ITSN2: variants seen among roughly 807,000 people sequenced by gnomAD.
The protein encoded by ITSN2 is intersectin-2.
In ITSN2, 156 loss-of-function variants were observed where a neutral mutation model predicts 243.7. That is an observed-to-expected ratio of 0.64 (90% CI 0.56 to 0.73). The LOEUF (loss-of-function observed/expected upper bound fraction) is 0.73. Among genes scored for constraint, ITSN2 ranks in the 30% least tolerant of loss-of-function variants. ITSN2 has a pLI of 0.00. For synonymous variants in ITSN2, 703 were observed against 699.9 expected (o/e 1.00, Z -0.07); for missense variants, 1,801 against 1,996.1 (o/e 0.90, Z 1.86).
Position 24,275,736 on chromosome 2 carries a change from C to A in ITSN2, c.2058G>T (p.Lys686Asn). 1 of 1,610,694 alleles carries A rather than the reference C, an allele frequency of 6.2e-7. No homozygotes were observed. The highest frequency in any genetic ancestry group is 8.5e-7 in the Non-Finnish European group (1 of 1,177,684). ...ERKRLELMQKKKLEDEAARKA... is the reference protein window; with the variant it reads ...ERKRLELMQKNKLEDEAARKA... ...ACCTTGCAGCCTCATCTTCTAGTTT[C>A]TTTTTCTGCATTAGTTCTAATCTTT... Residue 686 changes from lysine to asparagine, a missense_variant, in exon 18 of 40, where the codon AAG becomes AAT. Lys to Asn is a moderately conservative substitution (Grantham distance 94). This residue lies in a region of ITSN2 where 787 missense variants were observed against 803.9 expected (regional missense o/e 0.98). Transcript: ENST00000355123.
At chr2:24,352,554 C>G (rs1404838466) in intron 1 of ITSN2, among the ~76,000 whole-genome samples, 1 of 152,110 alleles carries the variant, frequency 6.6e-6, no homozygotes, top group Non-Finnish European at 1.5e-5. Context: ...CTTCTCTATA[C>G]AAACTTAGTT....
chr2:24,260,923 T>C (rs775869323), intron 22 of ITSN2, among the ~76,000 whole-genome samples, 183 bp downstream of exon 22: 1 of 83,334 alleles, frequency 1.2e-5, no homozygotes, highest in African/African-American at 4.0e-5. Flanking sequence ...AAAAAAAAAA[T>C]TGTTGAGAAA....
At chr2:24,236,853 T>C (rs1672217570) in intron 29 of ITSN2, among the ~76,000 whole-genome samples, 1 of 151,512 alleles carries the variant, frequency 6.6e-6, no homozygotes, top group Non-Finnish European at 1.5e-5. Context: ...TCTATCTATC[T>C]ATCTTTTATT....
intron 1 of ITSN2, among the ~76,000 whole-genome samples, chr2:24,339,427 C>A (rs923388409): frequency 6.7e-6 from 1 of 149,854 alleles, no homozygotes; most frequent in Non-Finnish European, 1.5e-5. Flanking sequence ...CCTGAGATTG[C>A]GCCACTGCAC....
chr2:24,211,016 G>A lies in ITSN2; in HGVS notation c.4090-69C>T. 1.4e-6 allele frequency: 2 copies of A among 1,478,012 alleles called. No individual in the cohort carries two copies. The highest frequency in any genetic ancestry group is 1.4e-5 in the African/African-American group (1 of 72,458). The allele number at this position is 1,478,012 out of a possible 1,614,324, so 91.6% of individuals were successfully genotyped here. A position where few individuals can be genotyped will look rare whatever the true frequency, so the allele number is the denominator to read the frequency against. On this transcript the variant is annotated intron_variant, in intron 33 of 39. Transcript: ENST00000355123. The surrounding 1 kb of genome is among the most constrained non-coding windows in gnomAD (Gnocchi z 4.1). ...CACCTGCCCACCTGGACCTTCGCAG[G>A]ACCGCTCCTCCAACCCCATGTTATG...
chr2:24,236,673 C>CTTTTTTTTTTTTTTT (rs35381391), intron 29 of ITSN2, among the ~76,000 whole-genome samples: 2 of 137,822 alleles, frequency 1.5e-5, no homozygotes. Context: ...GTTTTTTTTT[C>CTTTTTTTTTTTTTTT]TTTTTTTTTT....
chr2:24,329,914 C>A (rs1299878095), intron 1 of ITSN2, among the ~76,000 whole-genome samples: 1 of 152,142 alleles, frequency 6.6e-6, no homozygotes, highest in African/African-American at 2.4e-5. Flanking sequence ...AGAAATACTG[C>A]AAACAAATAT....
At chr2:24,269,465 T>C (rs1677085224) in intron 20 of ITSN2, among the ~76,000 whole-genome samples, 1 of 152,208 alleles carries the variant, frequency 6.6e-6, no homozygotes, top group Admixed American at 6.5e-5. Context: ...TGACTAATAC[T>C]TCATGTTAAT....
intron 1 of ITSN2, among the ~76,000 whole-genome samples, chr2:24,332,107 G>A (rs1248151810): frequency 2.6e-5 from 4 of 152,058 alleles, no homozygotes; most frequent in Non-Finnish European, 5.9e-5. Context: ...GCCAGGCGTG[G>A]GGCACATGCC....
Position 24,300,004 on chromosome 2 carries a change from T to C in ITSN2, c.1249A>G (p.Lys417Glu). 2.5e-6 allele frequency: 4 copies of C among 1,614,190 alleles called. No individual in the cohort carries two copies. The South Asian group carries it at 4.4e-5, about 18-fold the overall frequency. Residue 417 changes from lysine to glutamate, a missense_variant, in exon 12 of 40, where the codon AAG becomes GAG. Transcript: ENST00000355123. ...CGTTTTTCTAATTCAAGTTGTTTCT[T>C]CCATTCTTGTTCTTGTAATTCTCTC... ...KQRELQEQEW[K>E]KQLELEKRLE...
chr2:24,257,811 A>T, intron 23 of ITSN2, 77 bp downstream of exon 23: 1 of 1,107,602 alleles, frequency 9.0e-7, no homozygotes, highest in South Asian at 1.3e-5. Context: ...TTTATTATAC[A>T]CTCAATCAGA....
In ITSN2 at chr2:24,211,345, A is replaced by C. The variant is rs2151102859; in HGVS notation, c.4090-398T>G. Among the ~76,000 whole-genome samples the C allele has an allele frequency of 6.6e-6, 1 of 152,364 alleles. No individual in the cohort carries two copies. Among genetic ancestry groups the C allele is most frequent in the African/African-American group, 2.4e-5 (1 of 41,588 alleles). On this transcript the variant is annotated intron_variant, in intron 33 of 39. Coordinates refer to ENST00000355123, the MANE Select transcript of ITSN2 (RefSeq NM_006277.3). This position sits in a 1 kb window ranked among gnomAD's most constrained non-coding sequence, Gnocchi z 4.1. The stretch of plus-strand genomic sequence containing the variant: ...TGAACTTGCTGAATAGCAATGGTTC[A>C]TAACAATTTTGGGGTCACTGATCCT...
chr2:24,309,982 G>A (rs1159934736), intron 7 of ITSN2, among the ~76,000 whole-genome samples: 2 of 151,932 alleles, frequency 1.3e-5, no homozygotes, highest in African/African-American at 4.8e-5. Flanking sequence ...AGACATCTTG[G>A]GAAATATACA....
At chr2:24,313,939 G>GT (rs1262348171) in intron 3 of ITSN2, among the ~76,000 whole-genome samples, 3 of 152,204 alleles carry the variant, frequency 2.0e-5, no homozygotes, top group Non-Finnish European at 4.4e-5. Context: ...TACCAATAAT[G>GT]TAAGACCCTA....
chr2:24,329,041 T>C (rs1033453894), intron 1 of ITSN2, among the ~76,000 whole-genome samples: 2 of 152,172 alleles, frequency 1.3e-5, no homozygotes, highest in East Asian at 3.8e-4. Flanking sequence ...GAGACTCAGA[T>C]TACTCATCTA....
chr2:24,222,660 TTTC>T (rs963844393), intron 29 of ITSN2, among the ~76,000 whole-genome samples: 2 of 145,484 alleles, frequency 1.4e-5, no homozygotes, highest in African/African-American at 2.6e-5. Context: ...AATAACTATT[TTTC>T]TTTTCTTTTT....
In ITSN2 at chr2:24,286,306, TCTTC is replaced by T. The variant is rs2151559694; in HGVS notation, c.1765_1768del (p.Glu589AsnfsTer10). 6.2e-7 allele frequency: 1 copy of T among 1,608,178 alleles called. No homozygotes were observed. The highest frequency in any genetic ancestry group is 8.5e-7 in the Non-Finnish European group (1 of 1,174,928). ...CTGTTCTTTAAGTCTTTGGCATAAT[TCTTC>T]CTTTTCTAATGATTTTTTATGAAGT... On this transcript the variant is annotated frameshift_variant, in exon 16 of 40. Coordinates refer to ENST00000355123, the MANE Select transcript of ITSN2 (RefSeq NM_006277.3). LOFTEE classifies it high-confidence loss of function.
At chr2:24,330,174 G>C (rs1037450244) in intron 1 of ITSN2, among the ~76,000 whole-genome samples, 1 of 152,188 alleles carries the variant, frequency 6.6e-6, no homozygotes, top group Non-Finnish European at 1.5e-5. Flanking sequence ...ACGAGGAATG[G>C]GATCCCATGG....
In ITSN2 at chr2:24,271,817, C is replaced by T; in HGVS notation, c.2206G>A (p.Glu736Lys). 6.2e-7 allele frequency: 1 copy of T among 1,608,412 alleles called. No homozygotes were observed. The highest frequency in any genetic ancestry group is 8.5e-7 in the Non-Finnish European group (1 of 1,178,808). Residue 736 changes from glutamate (E) to lysine (K), a missense_variant, in exon 19 of 40, where the codon GAG becomes AAG. Physicochemically the swap from Glu to Lys is moderately conservative, Grantham distance 56. Around this residue, in one of 5 missense-constraint regions of ITSN2, gnomAD observed 787 missense variants for 803.9 expected, o/e 0.98. Transcript: ENST00000355123. ...TCCTTATCCTTACGTTGTTTCTCCTCAGCTTTCCGTTCCTCTTCTTGAATT... is the reference window on the plus strand; with the variant it reads ...TCCTTATCCTTACGTTGTTTCTCCTTAGCTTTCCGTTCCTCTTCTTGAATT... ...EKIQEEERKA[E>K]EKQRKDKDTL... is the part of the protein sequence containing the mutation.
Sources: gnomAD v4.1 joint callset for allele counts (sites outside exome capture counted in the v4.1 genomes callset) on GRCh38, gnomAD v4.1.1 for gene constraint, gnomAD v4.1.1 regional missense constraint, Gnocchi (gnomAD v3.1) non-coding constraint, MANE v1.5 for transcripts, NCBI Gene and HGNC (gene_info 2026-07-23, HGNC 2026-07-21) for gene names.